The following CES4A variants were observed in gnomAD, a reference collection of about 807,000 sequenced individuals.
CES4A encodes the protein carboxylesterase 6.
A neutral mutation model predicts 65.4 loss-of-function variants in CES4A; 48 were observed. That is an observed-to-expected ratio of 0.73 (90% CI 0.58 to 0.93). The LOEUF (loss-of-function observed/expected upper bound fraction) is 0.93, where lower values mean the gene tolerates loss of function less well. CES4A is among the 40% of genes least tolerant of loss of function. CES4A has a pLI of 0.00. For missense variants in CES4A, 685 were observed against 728.5 expected, an observed-to-expected ratio of 0.94 and a Z score of 0.69; for synonymous variants, 247 against 281.8, an observed-to-expected ratio of 0.88 and a Z score of 1.24.
chr16:67,001,122 C>G lies in CES4A; in HGVS notation c.536+132C>G. ...CGAGGCGGGGGCGGGGCCTGGCGCT[C>G]GGTGGAAGGGGCGGGCGCTCCATAC... On this transcript the variant is annotated intron_variant, in intron 4 of 13. Coordinates refer to ENST00000648724, the Ensembl canonical transcript of CES4A. This position sits in a 1 kb window ranked among gnomAD's most constrained non-coding sequence, Gnocchi z 4.1. The G allele has an allele frequency of 7.4e-7, 1 of 1,344,416 alleles. No individual in the cohort carries two copies. Among genetic ancestry groups the G allele is most frequent in the Non-Finnish European group, 9.9e-7 (1 of 1,007,130 alleles). The allele number at this position is 1,344,416 out of a possible 1,614,324, so 83.3% of individuals were successfully genotyped here. A position where few individuals can be genotyped will look rare whatever the true frequency, so the allele number is the denominator to read the frequency against.
rs1351755115 is a variant in CES4A, at chr16:66,994,866, C to G, written c.59-762C>G. Among the ~76,000 whole-genome samples the G allele has an allele frequency of 2.0e-5, 3 of 148,146 alleles. No homozygotes were observed. The East Asian group carries it at 6.1e-4, about 30-fold the overall frequency. Reference sequence around the variant, plus strand: ...AAAAAAAAAAAAAATTAGCCAGGCGCGGTGCTGTGTGTCTGTAGTCCCAGC... The same window carrying G: ...AAAAAAAAAAAAAATTAGCCAGGCGGGGTGCTGTGTGTCTGTAGTCCCAGC... On this transcript the variant is annotated intron_variant, in intron 1 of 13. Transcript: ENST00000648724.
rs1965668816 is a variant in CES4A at position 67,005,328 on chromosome 16, T to C, written c.1250T>C (p.Met417Thr). 6 of 1,614,150 alleles carry C rather than the reference T, an allele frequency of 3.7e-6. No individual in the cohort carries two copies. The East Asian group carries it at 1.3e-4, about 36-fold the overall frequency. Residue 417 changes from methionine (M) to threonine (T), a missense_variant, in exon 11 of 14, where the codon ATG (methionine) becomes ACG (threonine). By Grantham distance (81) the Met-to-Thr change is moderately conservative (BLOSUM62 -1). Transcript: ENST00000648724. ...GACTGGAAGATGCTACGAAACCGTA[T>C]GATGGACATAGTTCAAGATGCCACT...
chr16:67,001,153 G>A lies in CES4A; in HGVS notation c.537-155G>A. On this transcript the variant is annotated intron_variant, in intron 4 of 13. Transcript: ENST00000648724. The surrounding 1 kb of genome is among the most constrained non-coding windows in gnomAD (Gnocchi z 4.1). ...AAGGGGCGGGCGCTCCATACCATCT[G>A]GATGGGGCGAGCTAACTCCAAGGAA... is the stretch of plus-strand genomic sequence containing the variant. 7.3e-7 allele frequency: 1 copy of A among 1,373,856 alleles called. No individual in the cohort carries two copies. The highest frequency in any genetic ancestry group is 9.7e-7 in the Non-Finnish European group (1 of 1,030,672). The allele number at this position is 1,373,856 out of a possible 1,614,324, so 85.1% of individuals were successfully genotyped here.
chr16:67,006,428 C>T, exon 12 of CES4A: 1 of 1,536,586 alleles, frequency 6.5e-7, no homozygotes, highest in Non-Finnish European at 8.7e-7. Context: ...AATTTGAGCA[C>T]CACGCTCGTG....
At position 67,003,126 on chromosome 16, in the gene CES4A, C is replaced by T. The variant is rs370589534; in HGVS notation, c.747C>T (p.Thr249=). 91 of 1,614,002 alleles carry T rather than the reference C, an allele frequency of 5.6e-5. No individual in the cohort carries two copies. The highest frequency in any genetic ancestry group is 7.7e-5 in the South Asian group (7 of 91,082). ...ATCGGGCCATTTCCCAGAGTGGCAC[C>T]GCGTTATTCAGACTTTTCATCACTA... Residue 249 remains threonine, a synonymous_variant, in exon 6 of 14, where the codon ACC becomes ACT. Transcript: ENST00000648724. The surrounding 1 kb of genome is among the most constrained non-coding windows in gnomAD (Gnocchi z 4.2).
chr16:67,006,797 G>T (rs762288658), exon 13 of CES4A: 1 of 1,614,076 alleles, frequency 6.2e-7, no homozygotes, highest in Admixed American at 1.7e-5. Context: ...TGAAATACTG[G>T]GCCAACTTTG....
At position 67,003,944 on chromosome 16, in the gene CES4A, C is replaced by A; in HGVS notation, c.940-140C>A. ...CTGCTCCCCTCCCACACCCATCCTC[C>A]TGGGGCTCACCATGCCAGCCCCAGC... On this transcript the variant is annotated intron_variant, in intron 8 of 13. Coordinates refer to ENST00000648724, the Ensembl canonical transcript of CES4A. This position sits in a 1 kb window ranked among gnomAD's most constrained non-coding sequence, Gnocchi z 4.2. 1 of 894,904 alleles carries A rather than the reference C, an allele frequency of 1.1e-6. No individual in the cohort carries two copies. The highest frequency in any genetic ancestry group is 1.8e-6 in the Non-Finnish European group (1 of 565,978). 55.4% of individuals were successfully genotyped at this position (894,904 alleles called of 1,614,324 possible). A position where few individuals can be genotyped will look rare whatever the true frequency, so the allele number is the denominator to read the frequency against.
Position 67,004,154 on chromosome 16 carries a change from AG to A in CES4A, c.1014del (p.Lys339ArgfsTer9). On this transcript the variant is annotated frameshift_variant, in exon 9 of 14. Coordinates refer to ENST00000648724, the Ensembl canonical transcript of CES4A. LOFTEE classifies it high-confidence loss of function. ...GATGACCCTTTGGTGCTCCTGACCCAGGGGAAGGTTTCATCTGTGCCCTACC... is the reference window on the plus strand; with the variant it reads ...GATGACCCTTTGGTGCTCCTGACCCAGGGAAGGTTTCATCTGTGCCCTACC... 1 of 1,614,148 alleles carries A rather than the reference AG, an allele frequency of 6.2e-7. No homozygotes were observed. The highest frequency in any genetic ancestry group is 1.3e-5 in the African/African-American group (1 of 75,040).
Position 67,000,702 on chromosome 16 carries a change from T to C in CES4A, c.325T>C (p.Trp109Arg). 1 of 1,550,474 alleles carries C rather than the reference T, an allele frequency of 6.4e-7. No individual in the cohort carries two copies. The highest frequency in any genetic ancestry group is 1.2e-5 in the South Asian group (1 of 84,024). ...CGTCAGCACGCGGGAACGGTACAAG[T>C]GGCTGCGCTTCAGCGAGGACTGTCT... Residue 109 changes from tryptophan (W) to arginine (R), a missense_variant, in exon 3 of 14, where the codon TGG becomes CGG. Physicochemically the swap from Trp to Arg is moderately radical, Grantham distance 101. Transcript: ENST00000648724. This position sits in a 1 kb window ranked among gnomAD's most constrained non-coding sequence, Gnocchi z 4.2.
At chr16:67,006,716 C>A in intron 12 of CES4A, 29 bp from the exon 13 acceptor site, 3 of 1,610,040 alleles carry the variant, frequency 1.9e-6, no homozygotes, top group Non-Finnish European at 2.5e-6. Flanking sequence ...CTGCTCTGTC[C>A]GAAATCCCAC....
chr16:67,000,747 C>T lies in CES4A; in HGVS notation c.370C>T (p.Pro124Ser). ...CTGTCTGTACCTGAACGTGTACGCGCCGGCGCGCGCGCCCGGGGATCCCCA... is the reference window on the plus strand; with the variant it reads ...CTGTCTGTACCTGAACGTGTACGCGTCGGCGCGCGCGCCCGGGGATCCCCA... The change falls in exon 3 of 14, where the codon CCG (proline) becomes TCG (serine). Residue 124 changes from proline to serine, a missense_variant. Physicochemically the swap from Pro to Ser is moderately conservative, Grantham distance 74 (BLOSUM62 -1). Transcript: ENST00000648724. This position sits in a 1 kb window ranked among gnomAD's most constrained non-coding sequence, Gnocchi z 4.2. The T allele has an allele frequency of 6.5e-7, 1 of 1,549,282 alleles. No homozygotes were observed. Among genetic ancestry groups the T allele is most frequent in the Non-Finnish European group, 8.7e-7 (1 of 1,146,206 alleles).
intron 2 of CES4A, among the ~76,000 whole-genome samples, chr16:66,996,504 G>T (rs1436952948): frequency 6.6e-6 from 1 of 152,178 alleles, no homozygotes; most frequent in African/African-American, 2.4e-5. Flanking sequence ...TCTGGGGGCT[G>T]AGCCCTGAGT....
exon 1 of CES4A, chr16:66,988,595 A>G: frequency 7.7e-7 from 1 of 1,298,794 alleles, no homozygotes; most frequent in Admixed American, 2.5e-5. Context: ...AGGCAGAGAC[A>G]AGGCTGTGGG....
chr16:67,002,174 T>C (rs1965412684), intron 5 of CES4A, among the ~76,000 whole-genome samples: 1 of 152,190 alleles, frequency 6.6e-6, no homozygotes, highest in African/African-American at 2.4e-5. Context: ...AAAAAAAATT[T>C]TTTTTTTTGA....
Position 67,001,536 on chromosome 16 carries a change from A to AT in CES4A, c.690+75_690+76insT. 1 of 1,490,836 alleles carries AT rather than the reference A, an allele frequency of 6.7e-7. No individual in the cohort carries two copies. Among genetic ancestry groups the AT allele is most frequent in the Non-Finnish European group, 9.0e-7 (1 of 1,107,620 alleles). The allele number at this position is 1,490,836 out of a possible 1,614,324, so 92.4% of individuals were successfully genotyped here. On this transcript the variant is annotated intron_variant, in intron 5 of 13. Transcript: ENST00000648724. The surrounding 1 kb of genome is among the most constrained non-coding windows in gnomAD (Gnocchi z 4.1). The stretch of plus-strand genomic sequence containing the variant: ...CCCACAAATGTATGCTCCACTGCAC[A>AT]GGCCATGTGCAGATTTGCGTGTACA...
At chr16:66,993,258 C>T (rs1272065692) in intron 1 of CES4A, among the ~76,000 whole-genome samples, 1 of 152,166 alleles carries the variant, frequency 6.6e-6, no homozygotes, top group Admixed American at 6.5e-5. Context: ...TTTGTTGTCA[C>T]CTATGTACAA....
rs1246652679 is a variant in CES4A, at chr16:66,995,841, A to G, written c.260+12A>G. The G allele has an allele frequency of 3.7e-5, 60 of 1,611,564 alleles. No homozygotes were observed. Among genetic ancestry groups the G allele is most frequent in the Non-Finnish European group, 4.7e-5 (56 of 1,179,070 alleles). On this transcript the variant is annotated intron_variant, in intron 2 of 13. Coordinates refer to ENST00000648724, the Ensembl canonical transcript of CES4A. Reference sequence around the variant, plus strand: ...ACCTACCCGCCTGGGTAAGAGTCAGAGGCCTGTCCACTGGGAGGGGGCAAT... The same window carrying G: ...ACCTACCCGCCTGGGTAAGAGTCAGGGGCCTGTCCACTGGGAGGGGGCAAT...
exon 1 of CES4A, chr16:66,988,664 G>A: frequency 6.5e-7 from 1 of 1,532,302 alleles, no homozygotes; most frequent in Non-Finnish European, 8.8e-7. Flanking sequence ...GGGATTAAGA[G>A]CAGATAAAAG....
At position 67,001,002 on chromosome 16, in the gene CES4A, G is replaced by T; in HGVS notation, c.536+12G>T. The T allele has an allele frequency of 6.2e-7, 1 of 1,608,992 alleles. No homozygotes were observed. The highest frequency in any genetic ancestry group is 8.5e-7 in the Non-Finnish European group (1 of 1,177,544). Reference sequence around the variant, plus strand: ...TTCGGCTTCCTGAGGTGGCGGGGCCGGTACCCTTTGGGACCGCAGCTGTGG... The same window carrying T: ...TTCGGCTTCCTGAGGTGGCGGGGCCTGTACCCTTTGGGACCGCAGCTGTGG... On this transcript the variant is annotated intron_variant, in intron 4 of 13. Transcript: ENST00000648724. The surrounding 1 kb of genome is among the most constrained non-coding windows in gnomAD (Gnocchi z 4.1).
Sources: allele counts gnomAD v4.1 joint callset (sites outside exome capture counted in the v4.1 genomes callset), GRCh38; gene constraint gnomAD v4.1.1; non-coding constraint Gnocchi (gnomAD v3.1); transcripts MANE v1.5; gene names NCBI Gene and HGNC (gene_info 2026-07-23, HGNC 2026-07-21).